Variants in KRT19 observed in about 807,000 individuals in gnomAD.
The protein encoded by KRT19 is keratin 19.
In KRT19, 21 loss-of-function variants were observed where a neutral mutation model predicts 34.6. That is an observed-to-expected ratio of 0.61 (90% CI 0.43 to 0.87). KRT19 has a LOEUF of 0.87. KRT19 is among the 40% of genes least tolerant of loss of function. The pLI is 0.00. For synonymous variants in KRT19, 240 were observed against 245.8 expected (o/e 0.98, Z 0.22); for missense variants, 514 against 545.7 (o/e 0.94, Z 0.58).
chr17:41,526,980 G>T (rs546954180), intron 1 of KRT19, among the ~76,000 whole-genome samples: 8 of 152,324 alleles, frequency 5.3e-5, no homozygotes, highest in East Asian at 1.9e-4. Context: ...CACGAGTACA[G>T]CACTGGAAAA....
rs1905802032 is a variant in KRT19, at chr17:41,524,847, T to C, written c.656A>G (p.Glu219Gly). Residue 219 changes from glutamate to glycine, a missense_variant, in exon 3 of 6, where the codon GAG becomes GGG. Physicochemically the swap from Glu to Gly is moderately conservative, Grantham distance 98. Coordinates refer to ENST00000361566, the MANE Select transcript of KRT19 (RefSeq NM_002276.5). ...AAGGCCCAGCTTCAAACCCACCTCC[T>C]CATGGTTCTTCTTCAGGTAGGCCAG... ...EELAYLKKNH[E>G]EEISTLRGQV... is the part of the protein sequence containing the mutation. 6.2e-7 allele frequency: 1 copy of C among 1,613,680 alleles called. No individual in the cohort carries two copies. The highest frequency in any genetic ancestry group is 8.5e-7 in the Non-Finnish European group (1 of 1,179,964).
At chr17:41,524,666 G>C in intron 3 of KRT19, 126 bp from the exon 4 acceptor site, 1 of 1,255,378 alleles carries the variant, frequency 8.0e-7, no homozygotes, top group African/African-American at 1.5e-5. Context: ...AACTAGCACT[G>C]GGGGACAGAC....
intron 1 of KRT19, among the ~76,000 whole-genome samples, chr17:41,527,567 TG>T (rs1905910208): frequency 2.0e-5 from 3 of 152,176 alleles, no homozygotes; most frequent in Admixed American, 2.0e-4. Context: ...GCTCCAACCT[TG>T]CCCCCGCCAC....
Position 41,524,879 on chromosome 17 carries a change from C to T in KRT19, c.624G>A (p.Lys208=), listed in dbSNP as rs765308076. The T allele has an allele frequency of 1.2e-6, 2 of 1,614,202 alleles. No individual in the cohort carries two copies. The highest frequency in any genetic ancestry group is 1.7e-6 in the Non-Finnish European group (2 of 1,180,032). ...TCTTCTTCAGGTAGGCCAGCTCTTCCTTCAGGCCTTCGATCTGCATCTCCA... is the reference window on the plus strand; with the variant it reads ...TCTTCTTCAGGTAGGCCAGCTCTTCTTTCAGGCCTTCGATCTGCATCTCCA... ...TDLEMQIEGL[K]EELAYLKKNH... The change falls in exon 3 of 6, where the codon AAG becomes AAA. Residue 208 remains lysine, a synonymous_variant. Transcript: ENST00000361566.
intron 5 of KRT19, 51 bp downstream of exon 5, chr17:41,524,092 G>C (rs747979571): frequency 1.9e-6 from 3 of 1,605,794 alleles, no homozygotes; most frequent in Non-Finnish European, 2.6e-6. Context: ...AGGCTGCAAG[G>C]GTATAAGTGT....
In KRT19 at chr17:41,525,188, C is replaced by T. The variant is rs1025663952; in HGVS notation, c.503+3G>A. On this transcript the variant is annotated splice_donor_region_variant and intron_variant, in intron 2 of 5. Coordinates refer to ENST00000361566, the MANE Select transcript of KRT19 (RefSeq NM_002276.5). Reference sequence around the variant, plus strand: ...CTGCAGCCCCCAGGACAGAGACACTCACTTGGTTCGGAAGTCATCTGCAGC... The same window carrying T: ...CTGCAGCCCCCAGGACAGAGACACTTACTTGGTTCGGAAGTCATCTGCAGC... The T allele has an allele frequency of 1.9e-6, 3 of 1,611,370 alleles. No homozygotes were observed. Among genetic ancestry groups the T allele is most frequent in the Non-Finnish European group, 2.5e-6 (3 of 1,177,724 alleles).
Position 41,525,420 on chromosome 17 carries a change from C to G in KRT19, c.421-147G>C, listed in dbSNP as rs563315211. On this transcript the variant is annotated intron_variant, in intron 1 of 5. Coordinates refer to ENST00000361566, the MANE Select transcript of KRT19 (RefSeq NM_002276.5). The stretch of plus-strand genomic sequence containing the variant: ...AGCCAGCATCTGCCGCCCATTGGCC[C>G]GCTCTCTGGGAGGCCTTGCAAACAG... 26 of 682,176 alleles carry G rather than the reference C, an allele frequency of 3.8e-5. 1 individual carries two copies. The Admixed American group carries it at 4.1e-4, about 11-fold the overall frequency. The allele number at this position is 682,176 out of a possible 1,614,324, so 42.3% of individuals were successfully genotyped here.
At position 41,524,979 on chromosome 17, in the gene KRT19, A is replaced by T; in HGVS notation, c.524T>A (p.Leu175Gln). 6.2e-7 allele frequency: 1 copy of T among 1,614,152 alleles called. No individual in the cohort carries two copies. The highest frequency in any genetic ancestry group is 1.1e-5 in the South Asian group (1 of 91,086). The change falls in exon 3 of 6, where the codon CTG becomes CAG. Residue 175 changes from leucine (L) to glutamine (Q), a missense_variant. Coordinates refer to ENST00000361566, the MANE Select transcript of KRT19 (RefSeq NM_002276.5). ...FRTKFETEQA[L>Q]RMSVEADING... ...GATGTCGGCCTCCACGCTCATGCGC[A>T]GAGCCTGTTCCGTCTCAAACCTTTC...
intron 1 of KRT19, among the ~76,000 whole-genome samples, chr17:41,525,964 T>C: frequency 6.6e-6 from 1 of 152,064 alleles, no homozygotes; most frequent in Admixed American, 6.6e-5. Context: ...GGGGGGTTTT[T>C]TGGTTTTGTT....
Position 41,528,181 on chromosome 17 carries a change from C to A in KRT19, c.67G>T (p.Val23Leu), listed in dbSNP as rs1243374353. The A allele has an allele frequency of 2.5e-6, 4 of 1,590,918 alleles. No homozygotes were observed. Among genetic ancestry groups the A allele is most frequent in the Non-Finnish European group, 3.4e-6 (4 of 1,174,874 alleles). ...SSFGGLGGGS[V>L]RFGPGVAFRA... is the part of the protein sequence containing the mutation. ...AAGGCGACCCCCGGCCCAAAACGCA[C>A]GGAGCCGCCGCCCAGGCCTCCGAAG... The change falls in exon 1 of 6, where the codon GTG becomes TTG. Residue 23 changes from valine to leucine, a missense_variant. By Grantham distance (32) the Val-to-Leu change is conservative. Coordinates refer to ENST00000361566, the MANE Select transcript of KRT19 (RefSeq NM_002276.5).
intron 2 of KRT19, 62 bp downstream of exon 2, chr17:41,525,129 C>A (rs552730272): frequency 1.3e-6 from 2 of 1,565,422 alleles, no homozygotes; most frequent in East Asian, 2.2e-5. Context: ...AGGGCAGATT[C>A]TAAACCCCCC....
At position 41,525,223 on chromosome 17, in the gene KRT19, A is replaced by G. The variant is rs4601; in HGVS notation, c.471T>C (p.Asn157=). Residue 157 remains asparagine (N), a synonymous_variant, in exon 2 of 6, where the codon AAT becomes AAC. Transcript: ENST00000361566. The part of the protein sequence containing the change: ...ENSRIVLQID[N]ARLAADDFRT... The stretch of plus-strand genomic sequence containing the variant: ...GGAAGTCATCTGCAGCCAGACGGGC[A>G]TTGTCGATCTGCAGGACAATCCTGG... The G allele has an allele frequency of 0.65, 1,048,317 of 1,612,236 alleles. 344,804 individuals are homozygous for G. Among genetic ancestry groups the G allele is most frequent in the East Asian group, 0.93 (41,739 of 44,860 alleles).
At chr17:41,525,150 C>T in intron 2 of KRT19, 41 bp downstream of exon 2, 1 of 1,578,228 alleles carries the variant, frequency 6.3e-7, no homozygotes, top group East Asian at 2.2e-5. Context: ...AACCCCTACC[C>T]CAGTCCTGGC....
At position 41,524,375 on chromosome 17, in the gene KRT19, C is replaced by G. The variant is rs1905782837; in HGVS notation, c.822+4G>C. On this transcript the variant is annotated splice_donor_region_variant and intron_variant, in intron 4 of 5. Transcript: ENST00000361566. ...CCAAAGGGTGCCTGCTTCCCTCTAC[C>G]TACCCGGCTGGTGAACCAGGCTTCA... is the stretch of plus-strand genomic sequence containing the variant. 6.2e-7 allele frequency: 1 copy of G among 1,614,136 alleles called. No homozygotes were observed. The highest frequency in any genetic ancestry group is 8.5e-7 in the Non-Finnish European group (1 of 1,179,976).
chr17:41,524,683 A>G (rs4796780), intron 3 of KRT19, 143 bp from the exon 4 acceptor site: 799,396 of 1,216,876 alleles, frequency 0.66, 266,247 homozygotes, highest in East Asian at 0.93. Context: ...AGACTGGGTC[A>G]TCACTGATTC....
chr17:41,524,612 A>C, intron 3 of KRT19, 72 bp from the exon 4 acceptor site: 4 of 1,528,438 alleles, frequency 2.6e-6, no homozygotes, highest in Non-Finnish European at 3.6e-6. Flanking sequence ...TCACTTCCCC[A>C]CCCTTCAGGC....
In KRT19 at chr17:41,523,999, T is replaced by C. The variant is rs773155153; in HGVS notation, c.949-2A>G. ...CAGTGTGTCTTCCAAGGCAGCTTTCTGAGGATAGGGAGAGGGGGTTGTGAC... is the reference window on the plus strand; with the variant it reads ...CAGTGTGTCTTCCAAGGCAGCTTTCCGAGGATAGGGAGAGGGGGTTGTGAC... On this transcript the variant is annotated splice_acceptor_variant, in intron 5 of 5. Transcript: ENST00000361566. LOFTEE classifies it high-confidence loss of function. The C allele has an allele frequency of 1.9e-6, 3 of 1,609,520 alleles. No homozygotes were observed. Among genetic ancestry groups the C allele is most frequent in the South Asian group, 1.1e-5 (1 of 91,024 alleles).
chr17:41,527,385 G>A (rs1284079476), intron 1 of KRT19, among the ~76,000 whole-genome samples: 1 of 152,242 alleles, frequency 6.6e-6, no homozygotes, highest in Admixed American at 6.5e-5. Flanking sequence ...CTACGCTGCG[G>A]TGGCAGAGGG....
At position 41,524,921 on chromosome 17, in the gene KRT19, G is replaced by A; in HGVS notation, c.582C>T (p.Thr194=). The change falls in exon 3 of 6, where the codon ACC becomes ACT. Residue 194 remains threonine, a synonymous_variant. Transcript: ENST00000361566. ...NGLRRVLDEL[T]LARTDLEMQI... is the part of the protein sequence containing the mutation. The stretch of plus-strand genomic sequence containing the variant: ...GCATCTCCAGGTCGGTCCTGGCCAG[G>A]GTCAGCTCATCCAGCACCCTGCGCA... The A allele has an allele frequency of 6.2e-7, 1 of 1,614,222 alleles. No individual in the cohort carries two copies. Among genetic ancestry groups the A allele is most frequent in the Non-Finnish European group, 8.5e-7 (1 of 1,180,026 alleles).
Sources: gnomAD v4.1 joint callset for allele counts (sites outside exome capture counted in the v4.1 genomes callset) on GRCh38, gnomAD v4.1.1 for gene constraint, MANE v1.5 for transcripts, NCBI Gene and HGNC (gene_info 2026-07-23, HGNC 2026-07-21) for gene names.